The following RGS7 variants were observed in gnomAD, a reference collection of about 807,000 sequenced individuals.
RGS7 encodes the protein regulator of G protein signaling 7.
A neutral mutation model predicts 81.1 loss-of-function variants in RGS7; 27 were observed. The observed-to-expected ratio is 0.33, with a 90% CI of 0.25 to 0.46. The LOEUF (loss-of-function observed/expected upper bound fraction) is 0.46, where lower values mean the gene tolerates loss of function less well. RGS7 is among the 20% of genes least tolerant of loss of function. The pLI is 1.00. For synonymous variants in RGS7, 208 were observed against 207.7 expected (o/e 1.00, Z -0.01); for missense variants, 396 against 607.4 (o/e 0.65, Z 3.66).
In RGS7 at chr1:240,983,098, G is replaced by T. The variant is rs753691747; in HGVS notation, c.207C>A (p.Asn69Lys). Reference protein sequence around the residue: ...GSDIVQWLIKNLTIEDPVEAL... With the variant: ...GSDIVQWLIKKLTIEDPVEAL... ...ATTTACCTGGATCTTCTATAGTTAA[G>T]TTCTTTATCAACCATTGAACAATGT... Residue 69 changes from asparagine (N) to lysine (K), a missense_variant, in exon 4 of 19, where the codon AAC becomes AAA. Coordinates refer to ENST00000440928, the MANE Select transcript of RGS7 (RefSeq NM_001364886.1). 1 of 1,544,254 alleles carries T rather than the reference G, an allele frequency of 6.5e-7. No homozygotes were observed. The highest frequency in any genetic ancestry group is 8.9e-7 in the Non-Finnish European group (1 of 1,120,338).
chr1:240,816,004 A>C (rs1046635340), intron 11 of RGS7, among the ~76,000 whole-genome samples: 4 of 152,248 alleles, frequency 2.6e-5, no homozygotes, highest in African/African-American at 9.6e-5. Context: ...GCTTTGGAGT[A>C]CAAAGTAACT....
chr1:240,837,510 G>C (rs529391719), intron 9 of RGS7, among the ~76,000 whole-genome samples: 1 of 152,154 alleles, frequency 6.6e-6, no homozygotes, highest in Non-Finnish European at 1.5e-5. Flanking sequence ...CTGTTCCTCT[G>C]GTATTTCACT....
At position 241,212,113 on chromosome 1, in the gene RGS7, T is replaced by C. The variant is rs552046923; in HGVS notation, c.79-113351A>G. On this transcript the variant is annotated intron_variant, in intron 2 of 18. Transcript: ENST00000440928. Reference sequence around the variant, plus strand: ...GAGTAATAAATTATTCAATTATAATTAATAAATAATAGTTAATTATTACAT... The same window carrying C: ...GAGTAATAAATTATTCAATTATAATCAATAAATAATAGTTAATTATTACAT... Among the ~76,000 whole-genome samples the C allele has an allele frequency of 2.4e-4, 37 of 151,756 alleles. 1 individual carries two copies. In the South Asian group the frequency reaches 7.5e-3, roughly 31 times the overall value.
chr1:240,993,277 A>AAG (rs202089970), intron 3 of RGS7, among the ~76,000 whole-genome samples: 6 of 151,556 alleles, frequency 4.0e-5, no homozygotes, highest in Non-Finnish European at 4.4e-5. Flanking sequence ...AAAAGAAAGA[A>AAG]AGAGAGAGAG....
chr1:241,027,856 T>A (rs1249318536), intron 3 of RGS7, among the ~76,000 whole-genome samples: 1 of 152,134 alleles, frequency 6.6e-6, no homozygotes, highest in African/African-American at 2.4e-5. Flanking sequence ...TGTAGGAGAA[T>A]ATAGAAATAC....
intron 3 of RGS7, among the ~76,000 whole-genome samples, chr1:241,068,887 C>A (rs2062256431): frequency 6.6e-6 from 1 of 152,008 alleles, no homozygotes; most frequent in Non-Finnish European, 1.5e-5. Context: ...TTAGTATCAT[C>A]CCCTTGGTAC....
rs1663984733 is a variant in RGS7, at chr1:240,868,955, C to G, written c.451-103G>C. 2.9e-6 allele frequency: 3 copies of G among 1,038,468 alleles called. No homozygotes were observed. In the South Asian group the frequency reaches 3.8e-5, roughly 13 times the overall value. 64.3% of individuals were successfully genotyped at this position (1,038,468 alleles called of 1,614,324 possible). A position where few individuals can be genotyped will look rare whatever the true frequency, so the allele number is the denominator to read the frequency against. On this transcript the variant is annotated intron_variant, in intron 7 of 18. Transcript: ENST00000440928. This position sits in a 1 kb window ranked among gnomAD's most constrained non-coding sequence, Gnocchi z 5.1. The stretch of plus-strand genomic sequence containing the variant: ...TGTCAAGGAAACAAATAGAGAGTTT[C>G]TAAAGCCCTAAGTGTACTGTGGTTC...
intron 9 of RGS7, among the ~76,000 whole-genome samples, chr1:240,864,128 T>C (rs1662774713): frequency 6.6e-6 from 1 of 152,182 alleles, no homozygotes; most frequent in Non-Finnish European, 1.5e-5. Flanking sequence ...ACTATGTTCA[T>C]AAAATGCGAC....
intron 3 of RGS7, among the ~76,000 whole-genome samples, chr1:240,998,120 T>C (rs189502527): frequency 3.9e-5 from 6 of 152,234 alleles, no homozygotes; most frequent in Admixed American, 3.3e-4. Context: ...AAAGGAAAAA[T>C]TTTGTGGCAC....
chr1:241,179,720 C>T (rs1261506664), intron 2 of RGS7, among the ~76,000 whole-genome samples: 1 of 152,176 alleles, frequency 6.6e-6, no homozygotes, highest in Non-Finnish European at 1.5e-5. Context: ...TAGTCCAATT[C>T]TCCACAAAAT....
intron 3 of RGS7, among the ~76,000 whole-genome samples, chr1:240,997,691 G>T (rs1687503522): frequency 6.6e-6 from 1 of 152,124 alleles, no homozygotes; most frequent in Non-Finnish European, 1.5e-5. Context: ...CGAGAAGGGG[G>T]CACATGCCTG....
At chr1:241,087,968 C>A (rs1241813113) in intron 3 of RGS7, among the ~76,000 whole-genome samples, 99 of 87,318 alleles carry the variant, frequency 1.1e-3, no homozygotes, top group African/African-American at 2.3e-3. Flanking sequence ...CTCTCTCTCT[C>A]TCTCTCTCTA....
rs1376656714 is a variant in RGS7, at chr1:240,988,382, ACT to A, written c.176-5255_176-5254del. On this transcript the variant is annotated intron_variant, in intron 3 of 18. Coordinates refer to ENST00000440928, the MANE Select transcript of RGS7 (RefSeq NM_001364886.1). ...TGAATTTCTTTAATTTTTAAATTAA[ACT>A]CAGTTTAAAACACTGCAGAATTTCT... Among the ~76,000 whole-genome samples the A allele has an allele frequency of 3.3e-5, 5 of 152,148 alleles. No individual in the cohort carries two copies. In the East Asian group the frequency reaches 9.6e-4, roughly 29 times the overall value.
At chr1:241,012,414 A>G (rs2059004469) in intron 3 of RGS7, among the ~76,000 whole-genome samples, 1 of 152,182 alleles carries the variant, frequency 6.6e-6, no homozygotes, top group South Asian at 2.1e-4. Context: ...ATCTGGGAAG[A>G]AACTTTCCCC....
chr1:240,781,746 G>A (rs1453534135), intron 18 of RGS7, among the ~76,000 whole-genome samples: 3 of 152,200 alleles, frequency 2.0e-5, no homozygotes, highest in African/African-American at 4.8e-5. Context: ...TGGGTGTGGT[G>A]GCCCACGCCT....
chr1:241,299,804 A>C (rs1280437522), intron 2 of RGS7, among the ~76,000 whole-genome samples: 2 of 90,226 alleles, frequency 2.2e-5, no homozygotes, highest in African/African-American at 7.7e-5. Flanking sequence ...CTCTCGTCCC[A>C]GTTTTATTAG....
intron 6 of RGS7, among the ~76,000 whole-genome samples, chr1:240,872,693 A>G (rs1425234656): frequency 1.3e-5 from 2 of 152,214 alleles, no homozygotes; most frequent in Non-Finnish European, 1.5e-5. Context: ...TGGATGAGGC[A>G]GAAGGTCCAA....
intron 3 of RGS7, among the ~76,000 whole-genome samples, chr1:241,097,285 A>G (rs1391169335): frequency 4.6e-5 from 7 of 152,040 alleles, no homozygotes; most frequent in Non-Finnish European, 1.0e-4. Context: ...GCAAGGCATC[A>G]TTGAGAAAAA....
At chr1:241,234,984 G>A (rs1394902217) in intron 2 of RGS7, among the ~76,000 whole-genome samples, 1 of 152,062 alleles carries the variant, frequency 6.6e-6, no homozygotes, top group East Asian at 1.9e-4. Flanking sequence ...GCCTTCAAAG[G>A]CCTCTCAGCT....
Sources: allele counts gnomAD v4.1 joint callset (sites outside exome capture counted in the v4.1 genomes callset), GRCh38; gene constraint gnomAD v4.1.1; non-coding constraint Gnocchi (gnomAD v3.1); transcripts MANE v1.5; gene names NCBI Gene and HGNC (gene_info 2026-07-23, HGNC 2026-07-21).